Variants in SLC35F4 observed in about 807,000 individuals in gnomAD.
The protein encoded by SLC35F4 is solute carrier family 35 member F4.
Under a neutral mutation model 44.2 loss-of-function variants are expected in SLC35F4, and 24 were observed. The observed-to-expected ratio is 0.54, with a 90% CI of 0.39 to 0.76. The LOEUF (loss-of-function observed/expected upper bound fraction) is 0.76, where lower values mean the gene tolerates loss of function less well. Ranked by LOEUF, SLC35F4 falls within the 30% of genes least tolerant of loss-of-function variation. The pLI is 0.00. For synonymous variants in SLC35F4, 238 were observed against 223.6 expected (o/e 1.06, Z -0.57); for missense variants, 562 against 586.1 (o/e 0.96, Z 0.42).
At chr14:57,759,909 C>T (rs1392599536) in intron 1 of SLC35F4, among the ~76,000 whole-genome samples, 4 of 144,160 alleles carry the variant, frequency 2.8e-5, no homozygotes, top group Admixed American at 6.9e-5. Context: ...TTTTTGCTAT[C>T]GAGTTTAAGG....
At chr14:57,591,161 T>C (rs2070152448) in intron 2 of SLC35F4, among the ~76,000 whole-genome samples, 1 of 152,226 alleles carries the variant, frequency 6.6e-6, no homozygotes, top group Non-Finnish European at 1.5e-5. Flanking sequence ...GCTAGTTAGC[T>C]ACTTGGATCC....
At chr14:57,726,491 A>G (rs1428726662) in intron 1 of SLC35F4, among the ~76,000 whole-genome samples, 4 of 152,174 alleles carry the variant, frequency 2.6e-5, no homozygotes, top group African/African-American at 9.6e-5. Flanking sequence ...CACTTGTACT[A>G]ATATATTTTA....
At chr14:57,784,831 C>G (rs1175938856) in intron 1 of SLC35F4, among the ~76,000 whole-genome samples, 2 of 152,192 alleles carry the variant, frequency 1.3e-5, no homozygotes, top group African/African-American at 4.8e-5. Flanking sequence ...ACCAACCCCT[C>G]CTTGTCCTCT....
chr14:57,752,065 G>C (rs189249757), intron 1 of SLC35F4, among the ~76,000 whole-genome samples: 36 of 152,108 alleles, frequency 2.4e-4, no homozygotes, highest in Admixed American at 1.2e-3. Flanking sequence ...AGGACAGCTC[G>C]TCTCTCTCCT....
chr14:57,597,733 C>T lies in SLC35F4; in HGVS notation c.104-3609G>A, dbSNP rs1415609007. Among the ~76,000 whole-genome samples, 37 of 152,046 alleles carry T rather than the reference C, an allele frequency of 2.4e-4. 1 individual carries two copies. Among genetic ancestry groups the T allele is most frequent in the Admixed American group, 2.3e-3 (35 of 15,254 alleles). ...AATAGGCAATACAGTCAGAGGAAAC[C>T]GTAGAAGCAAATAGTCAGAGGCATA... On this transcript the variant is annotated intron_variant, in intron 1 of 7. Coordinates refer to ENST00000556826, the MANE Select transcript of SLC35F4 (RefSeq NM_001306087.2).
At chr14:57,795,941 G>A (rs1000253614) in intron 1 of SLC35F4, among the ~76,000 whole-genome samples, 2 of 151,732 alleles carry the variant, frequency 1.3e-5, no homozygotes, top group Admixed American at 6.6e-5. Context: ...TTCAATCCTC[G>A]CCCACCTCCC....
intron 1 of SLC35F4, among the ~76,000 whole-genome samples, chr14:57,597,175 G>A (rs1441416094): frequency 2.6e-5 from 4 of 152,218 alleles, no homozygotes; most frequent in Non-Finnish European, 5.9e-5. Flanking sequence ...AGTGGAACCA[G>A]AGATTGCAAA....
chr14:57,947,760 C>T (rs1437600819), intron 1 of SLC35F4, among the ~76,000 whole-genome samples: 1 of 152,096 alleles, frequency 6.6e-6, no homozygotes, highest in South Asian at 2.1e-4. Flanking sequence ...TTATCAAATG[C>T]TTTTCCTGCT....
intron 1 of SLC35F4, among the ~76,000 whole-genome samples, chr14:57,632,606 G>A (rs2072836930): frequency 6.6e-6 from 1 of 151,930 alleles, no homozygotes; most frequent in Non-Finnish European, 1.5e-5. Flanking sequence ...CCCCACCACA[G>A]TGGCACATTG....
chr14:57,952,870 TA>T (rs141263925), intron 1 of SLC35F4, among the ~76,000 whole-genome samples: 19,222 of 152,102 alleles, frequency 0.13, 1,604 homozygotes, highest in East Asian at 0.25. Flanking sequence ...CTCTTTAGGA[TA>T]TTATCCAGGA....
At chr14:57,975,445 C>T (rs144810338), downstream of SLC35F4, among the ~76,000 whole-genome samples, 257 of 152,320 alleles carry the variant, frequency 1.7e-3, 7 homozygotes, top group East Asian at 0.04. Flanking sequence ...GTGGGAAAAG[C>T]TCACACAATG....
intron 1 of SLC35F4, among the ~76,000 whole-genome samples, chr14:57,981,192 C>T (rs11628230): frequency 0.24 from 36,379 of 152,124 alleles, 4,510 homozygotes; most frequent in East Asian, 0.45. Flanking sequence ...GAACTGGTTT[C>T]TTGTTTTCTG....
At chr14:57,721,005 T>TATAC (rs1555376889) in intron 1 of SLC35F4, among the ~76,000 whole-genome samples, 20 of 123,970 alleles carry the variant, frequency 1.6e-4, no homozygotes, top group Non-Finnish European at 2.8e-4. Context: ...TATATATATA[T>TATAC]ATATATATAT....
intron 1 of SLC35F4, among the ~76,000 whole-genome samples, chr14:57,915,363 C>G (rs1177732668): frequency 6.6e-6 from 1 of 152,184 alleles, no homozygotes; most frequent in African/African-American, 2.4e-5. Context: ...ATCTCTTTAA[C>G]AAATGGTCAC....
chr14:57,744,426 C>A (rs558768107), intron 1 of SLC35F4, among the ~76,000 whole-genome samples: 1 of 152,178 alleles, frequency 6.6e-6, no homozygotes, highest in Non-Finnish European at 1.5e-5. Flanking sequence ...TTCCTATACA[C>A]CAAGAACAGA....
chr14:57,836,127 A>G (rs1884892312), intron 1 of SLC35F4, among the ~76,000 whole-genome samples: 1 of 152,202 alleles, frequency 6.6e-6, no homozygotes, highest in African/African-American at 2.4e-5. Context: ...AGAAGCTTGA[A>G]TGTTTTCCAG....
At position 57,930,099 on chromosome 14, in the gene SLC35F4, C is replaced by T. The variant is rs955888878; in HGVS notation, n.282+51814G>A. On this transcript the variant is annotated intron_variant and non_coding_transcript_variant, in intron 1 of 1. Coordinates refer to the SLC35F4 transcript ENST00000556568. The stretch of plus-strand genomic sequence containing the variant: ...CAAAACTCCCTGTGCAGAACATTCG[C>T]TTCTCAACTCTAATTATAGATCTGA... 9.9e-5 allele frequency among the ~76,000 whole-genome samples: 15 copies of T among 152,188 alleles called. 1 individual carries two copies. Among genetic ancestry groups the T allele is most frequent in the Admixed American group, 2.0e-4 (3 of 15,274 alleles).
At chr14:57,709,889 A>C (rs2075774967) in intron 1 of SLC35F4, among the ~76,000 whole-genome samples, 1 of 152,242 alleles carries the variant, frequency 6.6e-6, no homozygotes, top group African/African-American at 2.4e-5. Flanking sequence ...AAAGGGAAGC[A>C]GAACATAAAT....
intron 1 of SLC35F4, among the ~76,000 whole-genome samples, chr14:57,700,232 G>A (rs912585919): frequency 1.3e-5 from 2 of 152,116 alleles, no homozygotes; most frequent in African/African-American, 4.8e-5. Flanking sequence ...GCATGTTACC[G>A]TACTGAATAC....
Sources: gnomAD v4.1 joint callset for allele counts (sites outside exome capture counted in the v4.1 genomes callset) on GRCh38, gnomAD v4.1.1 for gene constraint, MANE v1.5 for transcripts, NCBI Gene and HGNC (gene_info 2026-07-23, HGNC 2026-07-21) for gene names.